The following ZIM2 variants were observed in gnomAD, a reference collection of about 807,000 sequenced individuals.
ZIM2 encodes the protein zinc finger imprinted 2, also known as zinc finger protein 656.
Under a neutral mutation model 38.6 loss-of-function variants are expected in ZIM2, and 14 were observed. The observed-to-expected ratio is 0.36, with a 90% confidence interval of 0.24 to 0.57. ZIM2 has a LOEUF of 0.57. Ranked by LOEUF, ZIM2 falls within the 20% of genes least tolerant of loss-of-function variation. ZIM2 has a pLI of 0.81. For missense variants in ZIM2, 680 were observed against 695.1 expected, an observed-to-expected ratio of 0.98 and a Z score of 0.24; for synonymous variants, 247 against 245.8, an observed-to-expected ratio of 1.00 and a Z score of -0.04.
chr19:56,824,448 G>A (rs535012135), intron 3 of ZIM2, 21 bp from the exon 4 acceptor site: 5 of 1,614,150 alleles, frequency 3.1e-6, no homozygotes, highest in African/African-American at 1.3e-5. Context: ...TCGAGGCAGA[G>A]GTTTCGGAGT....
rs969256943 is a variant in ZIM2, at chr19:56,826,438, C to T, written c.-201G>A. On this transcript the variant is annotated 5_prime_UTR_variant, in exon 3 of 13. The change creates a new upstream start codon in the 5' untranslated region. Transcript: ENST00000629319. ...GAACTTCAGACCAAGCAGCTATCCA[C>T]AGGAACAGAGTCAAAACACAGGTAT... 9 of 152,184 alleles carry T rather than the reference C, an allele frequency of 5.9e-5. No homozygotes were observed. The highest frequency in any genetic ancestry group is 1.9e-4 in the African/African-American group (8 of 41,436). 9.4% of individuals were successfully genotyped at this position (152,184 alleles called of 1,614,324 possible).
chr19:56,816,862 T>G, intron 9 of ZIM2: 1 of 1,614,164 alleles, frequency 6.2e-7, no homozygotes, highest in Non-Finnish European at 8.5e-7. Flanking sequence ...ACCTCTAGCA[T>G]GAATCTTCCG....
chr19:56,800,700 G>A (rs924483147), intron 9 of ZIM2, among the ~76,000 whole-genome samples: 54 of 152,050 alleles, frequency 3.6e-4, no homozygotes, highest in Non-Finnish European at 6.8e-4. Context: ...ATGTGGTAAA[G>A]TTTTGTCCTA....
rs558165622 is a variant in ZIM2 at position 56,836,832 on chromosome 19, G to A, written c.-313-728C>T. 8.5e-5 allele frequency among the ~76,000 whole-genome samples: 13 copies of A among 152,124 alleles called. No individual in the cohort carries two copies. The East Asian group carries it at 2.1e-3, about 25-fold the overall frequency. On this transcript the variant is annotated intron_variant, in intron 1 of 12. Transcript: ENST00000629319. Reference sequence around the variant, plus strand: ...AAAAATATAAAATTAGATGGGCATGGTGGCGCGCGCCTGTATTCCCAGCTA... The same window carrying A: ...AAAAATATAAAATTAGATGGGCATGATGGCGCGCGCCTGTATTCCCAGCTA...
At chr19:56,783,483 A>C (rs1568568251) in intron 10 of ZIM2, among the ~76,000 whole-genome samples, 1 of 152,208 alleles carries the variant, frequency 6.6e-6, no homozygotes, top group Non-Finnish European at 1.5e-5. Flanking sequence ...CCAAAAAAAG[A>C]ACAAAATCGT....
Position 56,824,261 on chromosome 19 carries a change from CCTT to C in ZIM2, c.14_16del (p.Glu5del), listed in dbSNP as rs113652299. ...CACCAACACCCCGTGGAGACTCTCA[CCTT>C]CTGGTTGGTACATCTCCTTGTAATT... is the stretch of plus-strand genomic sequence containing the variant. On this transcript the variant is annotated inframe_deletion and splice_region_variant, in exon 4 of 13. Coordinates refer to ENST00000629319, the MANE Select transcript of ZIM2 (RefSeq NM_001387356.1). 799 of 1,613,142 alleles carry C rather than the reference CCTT, an allele frequency of 5.0e-4. 3 individuals carry two copies. The African/African-American group carries it at 8.7e-3, about 18-fold the overall frequency.
At chr19:56,835,892 A>G (rs2062046796) in intron 2 of ZIM2, 126 bp downstream of exon 2, 1 of 391,756 alleles carries the variant, frequency 2.6e-6, no homozygotes, top group Admixed American at 2.7e-5. Context: ...GGGTGTTCTC[A>G]GAGGGCACAA....
chr19:56,831,732 A>G (rs1423757883), intron 2 of ZIM2, among the ~76,000 whole-genome samples: 3 of 152,274 alleles, frequency 2.0e-5, no homozygotes, highest in Non-Finnish European at 4.4e-5. Flanking sequence ...TATAAAAATA[A>G]AACACAGCAC....
In ZIM2 at chr19:56,816,630, G is replaced by A. The variant is rs143113379; in HGVS notation, c.490+1116C>T. On this transcript the variant is annotated intron_variant, in intron 9 of 12. Transcript: ENST00000629319. ...CTGGGCTGGGCCTAAAGGTTTCCCCGCGCTCACGTTCACGTTCACGTTCAT... is the reference window on the plus strand; with the variant it reads ...CTGGGCTGGGCCTAAAGGTTTCCCCACGCTCACGTTCACGTTCACGTTCAT... The A allele has an allele frequency of 1.8e-5, 29 of 1,611,948 alleles. No homozygotes were observed. In the Middle Eastern group the frequency reaches 8.2e-4, roughly 46 times the overall value.
At chr19:56,796,509 C>T (rs919020071) in intron 9 of ZIM2, among the ~76,000 whole-genome samples, 2 of 152,164 alleles carry the variant, frequency 1.3e-5, no homozygotes, top group African/African-American at 4.8e-5. Context: ...AGGTTGGCTC[C>T]ACTCATGCCC....
At chr19:56,782,723 A>T (rs994327266) in intron 10 of ZIM2, among the ~76,000 whole-genome samples, 1 of 152,100 alleles carries the variant, frequency 6.6e-6, no homozygotes, top group Admixed American at 6.6e-5. Context: ...TTTAATTTTT[A>T]AAAATTTTTG....
intron 2 of ZIM2, among the ~76,000 whole-genome samples, chr19:56,831,290 C>T (rs2061550653): frequency 1.3e-5 from 2 of 152,124 alleles, no homozygotes; most frequent in South Asian, 4.1e-4. Context: ...CACATGGGGA[C>T]TTAATTTATA....
chr19:56,834,994 T>C (rs767771864), intron 2 of ZIM2, among the ~76,000 whole-genome samples: 12 of 152,248 alleles, frequency 7.9e-5, no homozygotes, highest in Middle Eastern at 3.4e-3. Context: ...CCCCACATCA[T>C]GTGACTCACT....
At chr19:56,792,583 C>G (rs191728676) in intron 9 of ZIM2, among the ~76,000 whole-genome samples, 2 of 150,266 alleles carry the variant, frequency 1.3e-5, no homozygotes, top group Non-Finnish European at 3.0e-5. Flanking sequence ...TACATGTTTC[C>G]GCCTTTAAGT....
At chr19:56,813,021 C>G in intron 9 of ZIM2, 1 of 985,618 alleles carries the variant, frequency 1.0e-6, no homozygotes, top group Non-Finnish European at 1.2e-6. Flanking sequence ...TCTTTTCAAA[C>G]AGTAAGGAGT....
rs1031633556 is a variant in ZIM2 at position 56,774,997 on chromosome 19, C to G, written c.1368G>C (p.Val456=). 9.9e-6 allele frequency: 16 copies of G among 1,614,040 alleles called. No homozygotes were observed. Among genetic ancestry groups the G allele is most frequent in the Non-Finnish European group, 1.4e-5 (16 of 1,180,040 alleles). Residue 456 remains valine (V), a synonymous_variant, in exon 13 of 13, where the codon GTG becomes GTC. Coordinates refer to ENST00000629319, the MANE Select transcript of ZIM2 (RefSeq NM_001387356.1). ...GGGCTTTGAGATGTTGAAGAAGATG[C>G]ACATTCTGGAGAAAAGCTTTGCCGC... ...FQCGKAFLQN[V]HLLQHLKAHE...
chr19:56,835,461 T>C (rs1490338213), intron 2 of ZIM2, among the ~76,000 whole-genome samples: 1 of 152,178 alleles, frequency 6.6e-6, no homozygotes, highest in Admixed American at 6.5e-5. Context: ...ACTCTCCCCA[T>C]GACACACACC....
intron 12 of ZIM2, among the ~76,000 whole-genome samples, chr19:56,776,812 T>TG (rs920265263): frequency 4.6e-5 from 7 of 152,188 alleles, no homozygotes; most frequent in African/African-American, 1.7e-4. Flanking sequence ...GGACAGCATT[T>TG]GGCGTCAGTA....
chr19:56,840,203 G>A lies in ZIM2; in HGVS notation c.-314+379C>T, dbSNP rs527946455. ...GTGTCGACCTTGCTGGACTTGCCGT[G>A]GCAGAGCCCCCGGCTGTCTGCCCTA... On this transcript the variant is annotated intron_variant, in intron 1 of 12. Coordinates refer to ENST00000629319, the MANE Select transcript of ZIM2 (RefSeq NM_001387356.1). 2.6e-5 allele frequency among the ~76,000 whole-genome samples: 4 copies of A among 152,184 alleles called. No homozygotes were observed. In the South Asian group the frequency reaches 8.3e-4, roughly 31 times the overall value.
Sources: gnomAD v4.1 joint callset for allele counts (sites outside exome capture counted in the v4.1 genomes callset) on GRCh38, gnomAD v4.1.1 for gene constraint, MANE v1.5 for transcripts, NCBI Gene and HGNC (gene_info 2026-07-23, HGNC 2026-07-21) for gene names.